The following KIR3DL2 variants were observed in gnomAD, a reference collection of about 807,000 sequenced individuals.
The protein encoded by KIR3DL2 is killer cell immunoglobulin-like receptor 3DL2.
KIR3DL2 carries 42 observed loss-of-function variants against 41.6 expected under a neutral mutation model. The ratio of observed to expected loss-of-function variants is 1.01; its 90% CI spans 0.79 to 1.31. The LOEUF (loss-of-function observed/expected upper bound fraction) is 1.31. KIR3DL2 is among the 50% of genes most tolerant of loss of function. The probability of loss-of-function intolerance (pLI) is 0.00; values close to 1 mark genes in which losing one functional copy is unlikely to be tolerated. For missense variants in KIR3DL2, 728 were observed against 576.8 expected, an observed-to-expected ratio of 1.26 and a Z score of -2.68; for synonymous variants, 230 against 221.3, an observed-to-expected ratio of 1.04 and a Z score of -0.35.
chr19:54,851,528 A>G (rs1216015626), intron 2 of KIR3DL2, among the ~76,000 whole-genome samples: 9 of 151,486 alleles, frequency 5.9e-5, no homozygotes, highest in African/African-American at 2.0e-4. Flanking sequence ...AAGCAGTGCT[A>G]GGAACAGCAG....
chr19:54,864,289 A>G (rs1035763262), intron 6 of KIR3DL2, among the ~76,000 whole-genome samples: 1 of 152,068 alleles, frequency 6.6e-6, no homozygotes, highest in African/African-American at 2.4e-5. Context: ...GTCAGGCAGC[A>G]TGATGCCTCC....
At chr19:54,861,122 G>T (rs1219807354) in intron 6 of KIR3DL2, among the ~76,000 whole-genome samples, 40 of 148,970 alleles carry the variant, frequency 2.7e-4, no homozygotes, top group African/African-American at 5.5e-4. Flanking sequence ...CCCCACTGGT[G>T]AAATGTGGTG....
chr19:54,864,251 T>C (rs2065360720), intron 6 of KIR3DL2, among the ~76,000 whole-genome samples: 1 of 152,160 alleles, frequency 6.6e-6, no homozygotes, highest in Non-Finnish European at 1.5e-5. Flanking sequence ...GCTGTTTTGG[T>C]TACTGTAGCC....
intron 2 of KIR3DL2, 131 bp from the exon 3 acceptor site, chr19:54,851,867 C>T: frequency 1.8e-6 from 2 of 1,111,438 alleles, no homozygotes; most frequent in South Asian, 2.6e-5. Flanking sequence ...GGGGTGGGTC[C>T]TTCCTGTAGC....
chr19:54,855,924 C>G lies in KIR3DL2; in HGVS notation c.949+12C>G. 6.2e-7 allele frequency: 1 copy of G among 1,613,006 alleles called. No homozygotes were observed. Among genetic ancestry groups the G allele is most frequent in the Non-Finnish European group, 8.5e-7 (1 of 1,179,654 alleles). On this transcript the variant is annotated intron_variant, in intron 5 of 8. Coordinates refer to ENST00000326321, the MANE Select transcript of KIR3DL2 (RefSeq NM_006737.4). ...TGTTTCTGTCACAGGTGAGGAAAAC[C>G]CGTGTCTGTCCCATGTCTTATGATC...
intron 4 of KIR3DL2, among the ~76,000 whole-genome samples, chr19:54,854,276 GA>G (rs1157530223): frequency 6.6e-6 from 1 of 151,790 alleles, no homozygotes; most frequent in South Asian, 2.1e-4. Context: ...AGAAAAGAGA[GA>G]AAGAGGTAAA....
At chr19:54,864,927 T>C (rs1451374468) in intron 6 of KIR3DL2, among the ~76,000 whole-genome samples, 2 of 152,128 alleles carry the variant, frequency 1.3e-5, no homozygotes, top group African/African-American at 4.8e-5. Context: ...GGCATCCCTG[T>C]CTTGTGCCAG....
chr19:54,853,791 C>A lies in KIR3DL2; in HGVS notation c.400C>A (p.Leu134Met), dbSNP rs1269554173. 6.2e-7 allele frequency: 1 copy of A among 1,611,662 alleles called. No individual in the cohort carries two copies. Among genetic ancestry groups the A allele is most frequent in the Non-Finnish European group, 8.5e-7 (1 of 1,178,822 alleles). Residue 134 changes from leucine to methionine, a missense_variant, in exon 4 of 9, where the codon CTG (leucine) becomes ATG (methionine). Physicochemically the swap from Leu to Met is conservative, Grantham distance 15. Transcript: ENST00000326321. ...CCTCCTGGCCCACCCAGGGCCCCTG[C>A]TGAAATCAGGAGAGACAGTCATCCT... ...PSLLAHPGPL[L>M]KSGETVILQC...
chr19:54,852,661 G>T (rs1473014562), intron 3 of KIR3DL2, among the ~76,000 whole-genome samples: 2 of 151,232 alleles, frequency 1.3e-5, no homozygotes, highest in African/African-American at 4.9e-5. Flanking sequence ...GTAGTGGGAG[G>T]GAGACGCTAT....
rs139799964 is a variant in KIR3DL2 at position 54,859,437 on chromosome 19, C to T, written c.1000+308C>T. Among the ~76,000 whole-genome samples, 618 of 133,852 alleles carry T rather than the reference C, an allele frequency of 4.6e-3. 3 individuals carry two copies. Among genetic ancestry groups the T allele is most frequent in the South Asian group, 8.2e-3 (32 of 3,886 alleles). 87.8% of individuals were successfully genotyped at this position (133,852 alleles called of 152,430 possible). On this transcript the variant is annotated intron_variant, in intron 6 of 8. Coordinates refer to ENST00000326321, the MANE Select transcript of KIR3DL2 (RefSeq NM_006737.4). The stretch of plus-strand genomic sequence containing the variant: ...CATTCCTAACTGGAGGATAAATTCC[C>T]GGGGGCTTGAGAGAGGGAAGGGAAG...
intron 6 of KIR3DL2, among the ~76,000 whole-genome samples, chr19:54,864,649 C>T (rs555021574): frequency 6.6e-6 from 1 of 152,062 alleles, no homozygotes; most frequent in South Asian, 2.1e-4. Context: ...CATGATTTGG[C>T]TCTCTGTTTG....
Position 54,852,048 on chromosome 19 carries a change from C to A in KIR3DL2, c.121C>A (p.Arg41=). ...TGCCCGGCCCAGCACTGTGGTGCCT[C>A]GAGGAGGACACGTGGCTCTTCAGTG... is the stretch of plus-strand genomic sequence containing the variant. ...LSARPSTVVP[R]GGHVALQCHY... is the part of the protein sequence containing the mutation. Residue 41 remains arginine (R), a synonymous_variant, in exon 3 of 9, where the codon CGA becomes AGA. Coordinates refer to ENST00000326321, the MANE Select transcript of KIR3DL2 (RefSeq NM_006737.4). The A allele has an allele frequency of 6.2e-7, 1 of 1,612,080 alleles. No homozygotes were observed. Among genetic ancestry groups the A allele is most frequent in the Non-Finnish European group, 8.5e-7 (1 of 1,179,076 alleles).
chr19:54,853,095 G>C (rs1389073311), intron 3 of KIR3DL2, among the ~76,000 whole-genome samples: 28 of 151,430 alleles, frequency 1.8e-4, no homozygotes, highest in Non-Finnish European at 1.8e-4. Flanking sequence ...GGGTGAAAAA[G>C]TGACTGTCTC....
At chr19:54,862,087 T>A (rs1378101456) in intron 6 of KIR3DL2, among the ~76,000 whole-genome samples, 1 of 152,044 alleles carries the variant, frequency 6.6e-6, no homozygotes, top group African/African-American at 2.4e-5. Context: ...GACAGGTGGT[T>A]TTGAAGCAAT....
intron 1 of KIR3DL2, among the ~76,000 whole-genome samples, chr19:54,850,777 G>A (rs2064139880): frequency 1.8e-5 from 2 of 111,608 alleles, no homozygotes; most frequent in Admixed American, 8.6e-5. Flanking sequence ...ATATGGGCCT[G>A]CAGGTGGAGA....
rs371794754 is a variant in KIR3DL2 at position 54,858,679 on chromosome 19, G to C, written c.950-400G>C. 5.0e-4 allele frequency among the ~76,000 whole-genome samples: 75 copies of C among 151,468 alleles called. 1 individual carries two copies. In the East Asian group the frequency reaches 0.014, roughly 28 times the overall value. ...GGAAGTGGAGGTTGCATTGAGCTGA[G>C]ATTGCACCTCTACACTCCAGCCTGC... On this transcript the variant is annotated intron_variant, in intron 5 of 8. Transcript: ENST00000326321.
Position 54,866,840 on chromosome 19 carries a change from G to T in KIR3DL2, c.*109G>T, listed in dbSNP as rs58983092. 0.028 allele frequency: 33,278 copies of T among 1,188,648 alleles called. 785 individuals are homozygous for T. Among genetic ancestry groups the T allele is most frequent in the East Asian group, 0.1 (4,301 of 41,804 alleles). 73.6% of individuals were successfully genotyped at this position (1,188,648 alleles called of 1,614,324 possible). A position where few individuals can be genotyped will look rare whatever the true frequency, so the allele number is the denominator to read the frequency against. On this transcript the variant is annotated 3_prime_UTR_variant, in exon 9 of 9. Coordinates refer to ENST00000326321, the MANE Select transcript of KIR3DL2 (RefSeq NM_006737.4). ...AGGGGATCGCTCTTCCTCACACCAC[G>T]AATCTGAACATGCCTCTCTCTTGCT...
At chr19:54,865,494 A>G (rs2065441317) in intron 6 of KIR3DL2, among the ~76,000 whole-genome samples, 1 of 152,122 alleles carries the variant, frequency 6.6e-6, no homozygotes, top group South Asian at 2.1e-4. Flanking sequence ...TCTATTCATG[A>G]TGGATCCACC....
Position 54,856,034 on chromosome 19 carries a change from G to GA in KIR3DL2, c.949+122_949+123insA. 1.0e-5 allele frequency: 12 copies of GA among 1,192,354 alleles called. No homozygotes were observed. In the Middle Eastern group the frequency reaches 8.2e-4, roughly 82 times the overall value. The allele number at this position is 1,192,354 out of a possible 1,614,324, so 73.9% of individuals were successfully genotyped here. ...AGAGAACACGAAGACTGGGTGTGAG[G>GA]GGGGGGTCAGGGTGCAGGATGGCAG... On this transcript the variant is annotated intron_variant, in intron 5 of 8. Transcript: ENST00000326321.
Sources: allele counts gnomAD v4.1 joint callset (sites outside exome capture counted in the v4.1 genomes callset), GRCh38; gene constraint gnomAD v4.1.1; transcripts MANE v1.5; gene names NCBI Gene and HGNC (gene_info 2026-07-23, HGNC 2026-07-21).